Variants in OPA1 observed in about 807,000 individuals in gnomAD.
OPA1 encodes the protein OPA1 mitochondrial dynamin like GTPase.
A neutral mutation model predicts 152.9 loss-of-function variants in OPA1; 59 were observed. The observed-to-expected ratio is 0.39, with a 90% CI of 0.31 to 0.48. The LOEUF is 0.48. Ranked by LOEUF, OPA1 falls within the 20% of genes least tolerant of loss-of-function variation. The pLI is 0.96. For synonymous variants in OPA1, 400 were observed against 389.9 expected (o/e 1.03, Z -0.31); for missense variants, 1,008 against 1,216.8 (o/e 0.83, Z 2.55).
In OPA1 at chr3:193,605,765, T is replaced by TA. The variant is rs1389906215; in HGVS notation, c.33-8952dup. On this transcript the variant is annotated intron_variant, in intron 1 of 30. Transcript: ENST00000361510. ...AGTTTACTGGAACAGTATCACGTAG[T>TA]AAAAAACTGTGTTTTTCTGAAAGGG... Among the ~76,000 whole-genome samples the TA allele has an allele frequency of 6.6e-5, 10 of 152,316 alleles. No homozygotes were observed. The South Asian group carries it at 1.9e-3, about 28-fold the overall frequency.
intron 1 of OPA1, among the ~76,000 whole-genome samples, chr3:193,610,446 A>G (rs112268954): frequency 0.024 from 3,690 of 152,152 alleles, 162 homozygotes; most frequent in African/African-American, 0.085. Context: ...GTCTGCCCCT[A>G]CTGGGGGGTG....
chr3:193,642,453 C>G (rs1733927842), intron 11 of OPA1, among the ~76,000 whole-genome samples: 1 of 152,186 alleles, frequency 6.6e-6, no homozygotes, highest in African/African-American at 2.4e-5. Context: ...TGATTTTGGG[C>G]TTAGTGCTGT....
chr3:193,676,867 G>C (rs1046244047), intron 29 of OPA1, among the ~76,000 whole-genome samples: 1 of 151,726 alleles, frequency 6.6e-6, no homozygotes, highest in Non-Finnish European at 1.5e-5. Flanking sequence ...TGTAGTCCCA[G>C]CTGCTGGGGA....
At chr3:193,633,446 A>G (rs1732423997) in intron 8 of OPA1, among the ~76,000 whole-genome samples, 1 of 152,210 alleles carries the variant, frequency 6.6e-6, no homozygotes, top group African/African-American at 2.4e-5. Context: ...TTTTGTGTTT[A>G]CAAAGAAATG....
At chr3:193,597,848 G>T (rs1725857114) in intron 1 of OPA1, among the ~76,000 whole-genome samples, 1 of 152,030 alleles carries the variant, frequency 6.6e-6, no homozygotes, top group African/African-American at 2.4e-5. Context: ...CACTTTGAAA[G>T]GGAGGGTCGC....
Position 193,614,924 on chromosome 3 carries a change from T to C in OPA1, c.234T>C (p.Ile78=), listed in dbSNP as rs1560327866. ...LPLRKLKFSP[I]KYGYQPRRNF... ...TACGTAAACTGAAATTCTCTCCAAT[T>C]AAATATGGCTACCAGCCTCGCAGGA... is the stretch of plus-strand genomic sequence containing the variant. The change falls in exon 2 of 31, where the codon ATT becomes ATC. Residue 78 remains isoleucine, a synonymous_variant. Transcript: ENST00000361510. 1.2e-6 allele frequency: 2 copies of C among 1,613,726 alleles called. No individual in the cohort carries two copies. Among genetic ancestry groups the C allele is most frequent in the Non-Finnish European group, 1.7e-6 (2 of 1,179,822 alleles).
At chr3:193,604,686 C>A (rs185906902) in intron 1 of OPA1, among the ~76,000 whole-genome samples, 18 of 151,496 alleles carry the variant, frequency 1.2e-4, no homozygotes, top group African/African-American at 4.1e-4. Context: ...CATGGAGAAA[C>A]CCTGTCTCTA....
chr3:193,694,227 A>C (rs182569274), intron 30 of OPA1, among the ~76,000 whole-genome samples: 1 of 152,374 alleles, frequency 6.6e-6, no homozygotes, highest in Non-Finnish European at 1.5e-5. Context: ...TAAATCTGGC[A>C]GAATGGTAAC....
At chr3:193,668,266 T>A (rs1250898813) in intron 29 of OPA1, 1 of 1,404,720 alleles carries the variant, frequency 7.1e-7, no homozygotes, top group East Asian at 2.5e-5. Flanking sequence ...TGGTCAGTCC[T>A]CCTATACGTA....
chr3:193,616,123 C>T (rs562204115), intron 3 of OPA1, among the ~76,000 whole-genome samples: 8 of 152,112 alleles, frequency 5.3e-5, no homozygotes, highest in East Asian at 1.9e-4. Flanking sequence ...GTAGTCCTTC[C>T]GACTCTGCCT....
intron 21 of OPA1, among the ~76,000 whole-genome samples, chr3:193,652,551 G>T (rs905547481): frequency 1.2e-4 from 19 of 152,124 alleles, no homozygotes; most frequent in African/African-American, 4.1e-4. Context: ...AGACTGGGGT[G>T]AGGAGGACTT....
chr3:193,647,297 C>T, intron 19 of OPA1, 117 bp downstream of exon 19: 2 of 706,228 alleles, frequency 2.8e-6, no homozygotes, highest in Admixed American at 2.1e-5. Flanking sequence ...AGTTCATTTA[C>T]AATTAGACAG....
intron 2 of OPA1, 33 bp from the exon 3 acceptor site, chr3:193,615,632 GGCATGCAGA>G: frequency 2.0e-6 from 2 of 1,024,390 alleles, no homozygotes; most frequent in Admixed American, 3.4e-5. Flanking sequence ...ATGTTTATTT[GGCATGCAGA>G]GCATCTGATT....
At chr3:193,676,909 A>G (rs994925827) in intron 29 of OPA1, among the ~76,000 whole-genome samples, 1 of 134,106 alleles carries the variant, frequency 7.5e-6, no homozygotes, top group Non-Finnish European at 1.5e-5. Flanking sequence ...TGAACCTGGG[A>G]GGCGGAGCTT....
At chr3:193,620,247 A>G (rs948232452) in intron 6 of OPA1, among the ~76,000 whole-genome samples, 12 of 152,194 alleles carry the variant, frequency 7.9e-5, no homozygotes, top group Non-Finnish European at 1.6e-4. Flanking sequence ...TCTGTTTGCC[A>G]GATTGGTTAG....
At chr3:193,666,413 C>G (rs190339195) in intron 28 of OPA1, 24 bp downstream of exon 28, 1 of 1,522,254 alleles carries the variant, frequency 6.6e-7, no homozygotes, top group South Asian at 1.1e-5. Context: ...GGACTGCAGT[C>G]TTATTTTGAC....
chr3:193,677,165 C>T (rs1719288513), intron 29 of OPA1, among the ~76,000 whole-genome samples: 1 of 151,566 alleles, frequency 6.6e-6, no homozygotes, highest in African/African-American at 2.4e-5. Flanking sequence ...CAAGAATGTT[C>T]TCTACAATAA....
rs1479591493 is a variant in OPA1 at position 193,659,568 on chromosome 3, A to C, written c.2520+7A>C. 6.2e-7 allele frequency: 1 copy of C among 1,605,108 alleles called. No homozygotes were observed. The highest frequency in any genetic ancestry group is 8.5e-7 in the Non-Finnish European group (1 of 1,173,430). ...GAATCGGACCCAAGAACAGGTAGAA[A>C]TAAACAAGTCTCTAGTCTTATGATG... On this transcript the variant is annotated splice_region_variant and intron_variant, in intron 25 of 30. Transcript: ENST00000361510.
rs1042977453 is a variant in OPA1, at chr3:193,694,941, G to T, written c.*341G>T. On this transcript the variant is annotated 3_prime_UTR_variant, in exon 31 of 31. Coordinates refer to ENST00000361510, the MANE Select transcript of OPA1 (RefSeq NM_130837.3). ...GCACTCGTTTAATGGATTAACTGAGGTTGCTCAATGTTCAGTTTCTTTTCC... is the reference window on the plus strand; with the variant it reads ...GCACTCGTTTAATGGATTAACTGAGTTTGCTCAATGTTCAGTTTCTTTTCC... 6.6e-6 allele frequency: 1 copy of T among 152,136 alleles called. No individual in the cohort carries two copies. Among genetic ancestry groups the T allele is most frequent in the Non-Finnish European group, 1.5e-5 (1 of 68,008 alleles). The allele number at this position is 152,136 out of a possible 1,614,324, so 9.4% of individuals were successfully genotyped here. A position where few individuals can be genotyped will look rare whatever the true frequency, so the allele number is the denominator to read the frequency against.
Sources: gnomAD v4.1 joint callset for allele counts (sites outside exome capture counted in the v4.1 genomes callset) on GRCh38, gnomAD v4.1.1 for gene constraint, MANE v1.5 for transcripts, NCBI Gene and HGNC (gene_info 2026-07-23, HGNC 2026-07-21) for gene names.